KDM2A: variants seen among roughly 807,000 people sequenced by gnomAD.
KDM2A encodes the protein lysine demethylase 2A, also known as lysine-specific demethylase 2A.
In KDM2A, 3 loss-of-function variants were observed where a neutral mutation model predicts 137.3. The observed-to-expected ratio is 0.02, with a 90% CI of 0.01 to 0.06. The LOEUF (loss-of-function observed/expected upper bound fraction) is 0.06, where lower values mean the gene tolerates loss of function less well. Ranked by LOEUF, KDM2A falls within the 10% of genes least tolerant of loss-of-function variation. The pLI, the probability that KDM2A is intolerant of heterozygous loss-of-function variation, is 1.00. For synonymous variants in KDM2A, 512 were observed against 541.5 expected (o/e 0.95, Z 0.76); for missense variants, 738 against 1,510.6 (o/e 0.49, Z 8.48).
At chr11:67,177,400 G>A (rs955336585) in intron 2 of KDM2A, among the ~76,000 whole-genome samples, 4 of 151,762 alleles carry the variant, frequency 2.6e-5, no homozygotes, top group Non-Finnish European at 1.5e-5. Flanking sequence ...ATTATACCAC[G>A]TACAAAAGCA....
At chr11:67,207,083 A>G (rs1857826875) in intron 5 of KDM2A, among the ~76,000 whole-genome samples, 1 of 152,220 alleles carries the variant, frequency 6.6e-6, no homozygotes. Context: ...AAATTATGAG[A>G]TAGATTAGGT....
chr11:67,122,710 C>T (rs569179656), intron 2 of KDM2A, among the ~76,000 whole-genome samples: 8 of 150,286 alleles, frequency 5.3e-5, no homozygotes, highest in African/African-American at 1.5e-4. Flanking sequence ...GAGTCTGGCT[C>T]TGTTGCCCAG....
At chr11:67,225,127 G>A (rs1327435732) in intron 10 of KDM2A, among the ~76,000 whole-genome samples, 2 of 151,662 alleles carry the variant, frequency 1.3e-5, no homozygotes, top group East Asian at 1.9e-4. Flanking sequence ...CACGCCCGGC[G>A]GCTGCAGCAT....
At chr11:67,194,984 TG>T (rs947304990) in intron 5 of KDM2A, among the ~76,000 whole-genome samples, 1 of 152,178 alleles carries the variant, frequency 6.6e-6, no homozygotes, top group African/African-American at 2.4e-5. Context: ...CTTTTAGAAT[TG>T]CCAGCCTATT....
rs1207707082 is a variant in KDM2A at position 67,255,488 on chromosome 11, T to C, written c.*433T>C. The C allele has an allele frequency of 8.8e-6, 4 of 455,926 alleles. No individual in the cohort carries two copies. The highest frequency in any genetic ancestry group is 1.8e-5 in the Non-Finnish European group (4 of 226,712). 28.2% of individuals were successfully genotyped at this position (455,926 alleles called of 1,614,324 possible). On this transcript the variant is annotated 3_prime_UTR_variant, in exon 21 of 21. Coordinates refer to ENST00000529006, the MANE Select transcript of KDM2A (RefSeq NM_012308.3). ...CCCTGTCTCCATGGCCAGGTTCTTG[T>C]GGTGTCCAGTGCGCGTCTCTCCTCC...
chr11:67,153,142 G>A (rs1165707512), intron 2 of KDM2A, among the ~76,000 whole-genome samples: 1 of 151,992 alleles, frequency 6.6e-6, no homozygotes, highest in East Asian at 1.9e-4. Flanking sequence ...GTGCCACCAC[G>A]CCCAGCTAAT....
chr11:67,248,099 C>G (rs919990964), intron 15 of KDM2A, among the ~76,000 whole-genome samples, 182 bp from the exon 16 acceptor site: 21 of 152,352 alleles, frequency 1.4e-4, no homozygotes, highest in Middle Eastern at 3.4e-3. Flanking sequence ...CTATCAGAAC[C>G]TGTGCCGCAC....
intron 5 of KDM2A, among the ~76,000 whole-genome samples, chr11:67,186,156 A>C (rs1857201327): frequency 6.6e-6 from 1 of 152,108 alleles, no homozygotes; most frequent in African/African-American, 2.4e-5. Context: ...AGCTCAATGA[A>C]CTCCAAGTAA....
intron 2 of KDM2A, among the ~76,000 whole-genome samples, chr11:67,163,299 C>T (rs1216197767): frequency 6.6e-6 from 1 of 152,098 alleles, no homozygotes; most frequent in African/African-American, 2.4e-5. Flanking sequence ...CATATTAAAT[C>T]GGTGGCAGGA....
chr11:67,201,284 T>C (rs527538113), intron 5 of KDM2A, among the ~76,000 whole-genome samples: 1 of 151,932 alleles, frequency 6.6e-6, no homozygotes, highest in South Asian at 2.1e-4. Flanking sequence ...ATTCTGCTGG[T>C]AAATCTGGAC....
intron 18 of KDM2A, 46 bp from the exon 19 acceptor site, chr11:67,253,407 G>T: frequency 6.4e-7 from 1 of 1,558,956 alleles, no homozygotes; most frequent in Non-Finnish European, 8.8e-7. Context: ...CTCTGAGTAT[G>T]CTGGGAAACA....
chr11:67,138,171 G>A (rs1856011087), intron 2 of KDM2A, among the ~76,000 whole-genome samples: 1 of 152,136 alleles, frequency 6.6e-6, no homozygotes. Flanking sequence ...GCACAAGTCT[G>A]TATTTGACCG....
intron 2 of KDM2A, among the ~76,000 whole-genome samples, chr11:67,162,695 C>T (rs905766194): frequency 1.8e-4 from 28 of 151,578 alleles, no homozygotes; most frequent in African/African-American, 6.5e-4. Context: ...CATGAGCCAC[C>T]GCGCCCGGCC....
chr11:67,122,716 C>T (rs1481455268), intron 2 of KDM2A, among the ~76,000 whole-genome samples: 1 of 150,812 alleles, frequency 6.6e-6, no homozygotes, highest in East Asian at 1.9e-4. Context: ...GGCTCTGTTG[C>T]CCAGGCTGGA....
intron 5 of KDM2A, among the ~76,000 whole-genome samples, chr11:67,198,411 T>G (rs1034572314): frequency 1.3e-5 from 2 of 152,044 alleles, no homozygotes; most frequent in Admixed American, 6.6e-5. Context: ...GCTCACTTCA[T>G]GTCTGTCACA....
Position 67,258,027 on chromosome 11 carries a change from TTTTG to T in KDM2A, c.*2977_*2980del, listed in dbSNP as rs914807982. The T allele has an allele frequency of 6.6e-6, 1 of 152,222 alleles. No homozygotes were observed. Among genetic ancestry groups the T allele is most frequent in the African/African-American group, 2.4e-5 (1 of 41,452 alleles). 9.4% of individuals were successfully genotyped at this position (152,222 alleles called of 1,614,324 possible). On this transcript the variant is annotated 3_prime_UTR_variant, in exon 21 of 21. Coordinates refer to ENST00000529006, the MANE Select transcript of KDM2A (RefSeq NM_012308.3). ...GGAAATATTTTAATTTAGGTTTTGT[TTTTG>T]TTTGGGGGTTTTTGTTTTTTTAAAA... is the stretch of plus-strand genomic sequence containing the variant.
chr11:67,225,641 A>C (rs140144804), intron 10 of KDM2A, among the ~76,000 whole-genome samples: 9 of 152,304 alleles, frequency 5.9e-5, no homozygotes, highest in African/African-American at 2.2e-4. Context: ...GTGGTGGCGC[A>C]TGCCTGTAAT....
intron 12 of KDM2A, among the ~76,000 whole-genome samples, chr11:67,239,545 C>A (rs566311235): frequency 1.3e-5 from 2 of 152,186 alleles, no homozygotes; most frequent in South Asian, 4.2e-4. Flanking sequence ...GGCAGTGTGC[C>A]GGAGAGAGAA....
intron 2 of KDM2A, among the ~76,000 whole-genome samples, chr11:67,146,659 C>G (rs768092597): frequency 2.0e-5 from 3 of 152,032 alleles, no homozygotes; most frequent in Non-Finnish European, 4.4e-5. Context: ...CAGGTGCTTA[C>G]CACTACACCT....
Sources: allele counts gnomAD v4.1 joint callset (sites outside exome capture counted in the v4.1 genomes callset), GRCh38; gene constraint gnomAD v4.1.1; transcripts MANE v1.5; gene names NCBI Gene and HGNC (gene_info 2026-07-23, HGNC 2026-07-21).